Variants in TUBGCP2 observed in about 807,000 individuals in gnomAD.
The protein encoded by TUBGCP2 is tubulin gamma complex component 2, also known as gamma-tubulin complex component 2.
TUBGCP2 carries 55 observed loss-of-function variants against 92.2 expected under a neutral mutation model. That is an observed-to-expected ratio of 0.60 (90% confidence interval 0.48 to 0.75). The LOEUF (loss-of-function observed/expected upper bound fraction) is 0.75, where lower values mean the gene tolerates loss of function less well. Among genes scored for constraint, TUBGCP2 ranks in the 30% least tolerant of loss-of-function variants. The probability of loss-of-function intolerance (pLI) is 0.00; values close to 1 mark genes in which losing one functional copy is unlikely to be tolerated. For synonymous variants in TUBGCP2, 533 were observed against 505.2 expected, an observed-to-expected ratio of 1.06 and a Z score of -0.74; for missense variants, 1,093 against 1,188.9, an observed-to-expected ratio of 0.92 and a Z score of 1.19.
Position 133,283,960 on chromosome 10 carries a change from G to A in TUBGCP2, c.2067C>T (p.Phe689=), listed in dbSNP as rs759663668. 11 of 1,614,008 alleles carry A rather than the reference G, an allele frequency of 6.8e-6. No homozygotes were observed. The South Asian group carries it at 7.7e-5, about 11-fold the overall frequency. ...TCATGTAGTATTGAATATTCTGGACGAAGTTGAGCATTCGCTGCCGCAGAG... is the reference window on the plus strand; with the variant it reads ...TCATGTAGTATTGAATATTCTGGACAAAGTTGAGCATTCGCTGCCGCAGAG... The part of the protein sequence containing the change: ...AFTLRQRMLN[F]VQNIQYYMMF... Residue 689 remains phenylalanine, a synonymous_variant, in exon 14 of 18, where the codon TTC becomes TTT. Transcript: ENST00000252936.
chr10:133,303,122 A>G lies in TUBGCP2; in HGVS notation c.-39-142T>C, dbSNP rs950629980. On this transcript the variant is annotated intron_variant, in intron 1 of 17. Transcript: ENST00000252936. ...TGCCTGGCCTAGGGCCCCTCCCCCA[A>G]CAGCCCAGCAGCCTCTCAGAGGGTC... is the stretch of plus-strand genomic sequence containing the variant. The G allele has an allele frequency of 4.1e-6, 3 of 727,138 alleles. No homozygotes were observed. The South Asian group carries it at 5.3e-5, about 13-fold the overall frequency. The allele number at this position is 727,138 out of a possible 1,614,324, so 45.0% of individuals were successfully genotyped here. A position where few individuals can be genotyped will look rare whatever the true frequency, so the allele number is the denominator to read the frequency against.
At chr10:133,299,936 C>T in intron 3 of TUBGCP2, 49 bp downstream of exon 3, 6 of 1,598,328 alleles carry the variant, frequency 3.8e-6, no homozygotes, top group South Asian at 3.3e-5. Flanking sequence ...GACCCCACTC[C>T]CAACATGGGC....
chr10:133,308,395 G>A (rs547380567), intron 1 of TUBGCP2: 1 of 152,406 alleles, frequency 6.6e-6, no homozygotes, highest in South Asian at 2.1e-4. Context: ...AGTCACCCAA[G>A]GGCTTTAAAT....
chr10:133,283,352 T>A, intron 14 of TUBGCP2, 131 bp from the exon 15 acceptor site: 1 of 1,311,780 alleles, frequency 7.6e-7, no homozygotes, highest in Non-Finnish European at 1.0e-6. Context: ...GGCCTTGGGC[T>A]TTTAGGGGAA....
In TUBGCP2 at chr10:133,279,833, G is replaced by T. The variant is rs747869754; in HGVS notation, c.2642C>A (p.Thr881Asn). Reference protein sequence around the residue: ...RLSAERSQKATPQVPVLRGPP... With the variant: ...RLSAERSQKANPQVPVLRGPP... Reference sequence around the variant, plus strand: ...CCCCCGCAGGACAGGCACTTGGGGGGTGGCCTTCTGGCTCCTCTCTGCAGA... The same window carrying T: ...CCCCCGCAGGACAGGCACTTGGGGGTTGGCCTTCTGGCTCCTCTCTGCAGA... The change falls in exon 18 of 18, where the codon ACC (threonine) becomes AAC (asparagine). Residue 881 changes from threonine to asparagine, a missense_variant. Physicochemically the swap from Thr to Asn is moderately conservative, Grantham distance 65. Transcript: ENST00000252936. 6.3e-7 allele frequency: 1 copy of T among 1,596,584 alleles called. No homozygotes were observed. The highest frequency in any genetic ancestry group is 1.1e-5 in the South Asian group (1 of 88,680).
chr10:133,281,657 G>T (rs1846981061), intron 16 of TUBGCP2: 1 of 607,954 alleles, frequency 1.6e-6, no homozygotes, highest in Non-Finnish European at 2.8e-6. Context: ...CGTGGGATGA[G>T]GTGGTCACTC....
At chr10:133,309,514 G>T (rs1847936959), upstream of TUBGCP2, 3 of 1,566,774 alleles carry the variant, frequency 1.9e-6, no homozygotes, top group South Asian at 2.3e-5. Context: ...CCGCCTCCCT[G>T]ACCGGTGCCT....
In TUBGCP2 at chr10:133,285,674, G is replaced by C. The variant is rs369595367; in HGVS notation, c.1723-46C>G. ...ACAAAGCATCCAGTTTTAAGGAAAA[G>C]ACCCGAAGTCGCATCCCGATCGCCA... On this transcript the variant is annotated intron_variant, in intron 11 of 17. Coordinates refer to ENST00000252936, the MANE Select transcript of TUBGCP2 (RefSeq NM_006659.4). The surrounding 1 kb of genome is among the most constrained non-coding windows in gnomAD (Gnocchi z 6.8). 17 of 1,477,990 alleles carry C rather than the reference G, an allele frequency of 1.2e-5. No individual in the cohort carries two copies. The highest frequency in any genetic ancestry group is 2.8e-5 in the African/African-American group (2 of 71,246). The allele number at this position is 1,477,990 out of a possible 1,614,324, so 91.6% of individuals were successfully genotyped here. A position where few individuals can be genotyped will look rare whatever the true frequency, so the allele number is the denominator to read the frequency against.
At chr10:133,309,655 G>A (rs1043407148), upstream of TUBGCP2, 12 of 1,328,396 alleles carry the variant, frequency 9.0e-6, no homozygotes, top group African/African-American at 5.8e-5. Flanking sequence ...TAAAAAGAGG[G>A]TTTGGGATTG....
Position 133,285,615 on chromosome 10 carries a change from G to A in TUBGCP2, c.1736C>T (p.Pro579Leu), listed in dbSNP as rs1564935870. The change falls in exon 12 of 18, where the codon CCC (proline) becomes CTC (leucine). Residue 579 changes from proline to leucine, a missense_variant. Around this residue, in one of 3 missense-constraint regions of TUBGCP2, gnomAD observed 598 missense variants for 675.5 expected, o/e 0.89. Transcript: ENST00000252936. The surrounding 1 kb of genome is among the most constrained non-coding windows in gnomAD (Gnocchi z 6.8). ...CAAGAGCTGAGTGATGAGGTCATGG[G>A]GCATCAGGTCGATCTTGGAGGGAAG... ...FKDDLKIDLM[P>L]HDLITQLLRV... is the part of the protein sequence containing the mutation. 1 of 1,516,340 alleles carries A rather than the reference G, an allele frequency of 6.6e-7. No individual in the cohort carries two copies. The highest frequency in any genetic ancestry group is 8.8e-7 in the Non-Finnish European group (1 of 1,131,298). 93.9% of individuals were successfully genotyped at this position (1,516,340 alleles called of 1,614,324 possible).
chr10:133,283,708 ACGCCCTGCCTCTCCCGCACT>A (rs1847051340), intron 14 of TUBGCP2, among the ~76,000 whole-genome samples, 154 bp downstream of exon 14: 2 of 18,822 alleles, frequency 1.1e-4, no homozygotes, highest in Non-Finnish European at 4.4e-4. Context: ...CCTCTCCCGC[ACGCCCTGCCTCTCCCGCACT>A]CCCTGCCTCT....
chr10:133,309,329 C>G (rs1427328576), upstream of TUBGCP2: 7 of 1,567,224 alleles, frequency 4.5e-6, no homozygotes, highest in African/African-American at 8.1e-5. Context: ...GTGGGCGAGG[C>G]CTGACGCGGT....
chr10:133,294,612 T>C (rs1359673779), intron 5 of TUBGCP2, among the ~76,000 whole-genome samples: 2 of 151,994 alleles, frequency 1.3e-5, no homozygotes, highest in Non-Finnish European at 2.9e-5. Context: ...TCCTTGTTTT[T>C]TTTTTTTCCT....
chr10:133,286,136 A>G (rs1181732719), intron 11 of TUBGCP2, among the ~76,000 whole-genome samples: 1 of 152,176 alleles, frequency 6.6e-6, no homozygotes, highest in African/African-American at 2.4e-5. Flanking sequence ...GGCAGGGGAT[A>G]AAGCAAGAAG....
At chr10:133,312,126 T>C, upstream of TUBGCP2, 2 of 1,438,904 alleles carry the variant, frequency 1.4e-6, no homozygotes, top group Non-Finnish European at 1.8e-6. Context: ...CACTTGCAGT[T>C]GCTTCAGTCA....
At chr10:133,304,832 T>C (rs1847769616) in intron 1 of TUBGCP2, among the ~76,000 whole-genome samples, 2 of 152,046 alleles carry the variant, frequency 1.3e-5, no homozygotes, top group African/African-American at 4.8e-5. Context: ...TGAGGGGACA[T>C]AGTGAGAAGT....
At chr10:133,312,199 C>T, upstream of TUBGCP2, 2 of 1,408,448 alleles carry the variant, frequency 1.4e-6, no homozygotes, top group African/African-American at 1.4e-5. Flanking sequence ...GTCACCTGTG[C>T]CGTCTGCGTT....
At position 133,282,310 on chromosome 10, in the gene TUBGCP2, C is replaced by G. The variant is rs757977766; in HGVS notation, c.2322G>C (p.Glu774Asp). 6.2e-7 allele frequency: 1 copy of G among 1,605,878 alleles called. No individual in the cohort carries two copies. The highest frequency in any genetic ancestry group is 1.7e-5 in the Admixed American group (1 of 59,370). The change falls in exon 16 of 18, where the codon GAG (glutamate) becomes GAC (aspartate). Residue 774 changes from glutamate to aspartate, a missense_variant. This residue lies in a region of TUBGCP2 where 598 missense variants were observed against 675.5 expected (regional missense o/e 0.89). Coordinates refer to ENST00000252936, the MANE Select transcript of TUBGCP2 (RefSeq NM_006659.4). ...TGTGCTCCAGCGTCTGCCCGCCCAGCTCGCCATCTAATTTCATGCTCTGTG... is the reference window on the plus strand; with the variant it reads ...TGTGCTCCAGCGTCTGCCCGCCCAGGTCGCCATCTAATTTCATGCTCTGTG... ...KFTQSMKLDG[E>D]LGGQTLEHST...
At chr10:133,305,396 C>A (rs1445394175) in intron 1 of TUBGCP2, among the ~76,000 whole-genome samples, 1 of 152,208 alleles carries the variant, frequency 6.6e-6, no homozygotes, top group Non-Finnish European at 1.5e-5. Flanking sequence ...ACTCTTTACC[C>A]TGCCCCTTTT....
Sources: allele counts gnomAD v4.1 joint callset (sites outside exome capture counted in the v4.1 genomes callset), GRCh38; gene constraint gnomAD v4.1.1; regional missense constraint gnomAD v4.1.1; non-coding constraint Gnocchi (gnomAD v3.1); transcripts MANE v1.5; gene names NCBI Gene and HGNC (gene_info 2026-07-23, HGNC 2026-07-21).